RANBP17: variants seen among roughly 807,000 people sequenced by gnomAD.
The protein encoded by RANBP17 is RAN binding protein 17.
Under a neutral mutation model 141.2 loss-of-function variants are expected in RANBP17, and 158 were observed. The observed-to-expected ratio is 1.12, with a 90% CI of 0.98 to 1.28. The LOEUF (loss-of-function observed/expected upper bound fraction) is 1.28. RANBP17 is among the 50% of genes most tolerant of loss of function. RANBP17 has a pLI of 0.00. For synonymous variants in RANBP17, 430 were observed against 450.0 expected, an observed-to-expected ratio of 0.96 and a Z score of 0.56; for missense variants, 1,438 against 1,290.7, an observed-to-expected ratio of 1.11 and a Z score of -1.75.
chr5:170,900,591 T>C (rs1269452285), intron 5 of RANBP17, among the ~76,000 whole-genome samples: 1 of 152,212 alleles, frequency 6.6e-6, no homozygotes, highest in African/African-American at 2.4e-5. Flanking sequence ...TCTAGTTCTT[T>C]TAATTGTGAT....
chr5:170,877,463 T>C (rs78355897), intron 1 of RANBP17, among the ~76,000 whole-genome samples: 4,605 of 152,172 alleles, frequency 0.03, 232 homozygotes, highest in African/African-American at 0.1. Context: ...GATTTTGCCA[T>C]GTTGCCTGTG....
chr5:170,868,591 G>A (rs1767461072), intron 1 of RANBP17, among the ~76,000 whole-genome samples: 4 of 152,122 alleles, frequency 2.6e-5, no homozygotes, highest in Non-Finnish European at 5.9e-5. Context: ...GTATTTGATA[G>A]TTACTCTGTG....
chr5:170,964,605 T>C (rs955107934), intron 13 of RANBP17, among the ~76,000 whole-genome samples: 4 of 152,140 alleles, frequency 2.6e-5, no homozygotes, highest in Non-Finnish European at 5.9e-5. Context: ...TGTCCATGTG[T>C]TCCCATTGTT....
Position 170,921,303 on chromosome 5 carries a change from A to C in RANBP17, c.1274+1690A>C, listed in dbSNP as rs184326756. Among the ~76,000 whole-genome samples, 603 of 152,284 alleles carry C rather than the reference A, an allele frequency of 4.0e-3. 7 individuals are homozygous for C. Among genetic ancestry groups the C allele is most frequent in the African/African-American group, 0.014 (578 of 41,552 alleles). On this transcript the variant is annotated intron_variant, in intron 11 of 27. Transcript: ENST00000523189. ...GGAAGGAATCCAGTTTCAGCTTTCTACATATGGCTAGTCAGTTTTCCCAGC... is the reference window on the plus strand; with the variant it reads ...GGAAGGAATCCAGTTTCAGCTTTCTCCATATGGCTAGTCAGTTTTCCCAGC...
chr5:171,215,382 T>C (rs538911867), intron 21 of RANBP17, among the ~76,000 whole-genome samples: 1 of 152,332 alleles, frequency 6.6e-6, no homozygotes, highest in Admixed American at 6.5e-5. Flanking sequence ...CATGTATGTT[T>C]ACAGTAGAAT....
intron 14 of RANBP17, among the ~76,000 whole-genome samples, chr5:171,138,422 G>A (rs972939721): frequency 2.4e-4 from 37 of 152,016 alleles, no homozygotes. Context: ...GGCTGAGTGT[G>A]GGCTGGCAAG....
At chr5:170,932,956 C>G (rs1028585683) in intron 12 of RANBP17, among the ~76,000 whole-genome samples, 2 of 152,014 alleles carry the variant, frequency 1.3e-5, no homozygotes, top group African/African-American at 4.8e-5. Flanking sequence ...CCCTCTTTTT[C>G]TGTTGATTGG....
At chr5:171,172,001 A>G (rs954947333) in intron 16 of RANBP17, among the ~76,000 whole-genome samples, 1 of 152,000 alleles carries the variant, frequency 6.6e-6, no homozygotes. Flanking sequence ...TTTCTTTTCT[A>G]CATTAGCTAT....
intron 16 of RANBP17, among the ~76,000 whole-genome samples, chr5:171,179,275 A>G (rs889638346): frequency 2.0e-5 from 3 of 152,126 alleles, no homozygotes; most frequent in Admixed American, 2.0e-4. Flanking sequence ...TGGCCTATAT[A>G]GTCTCCCTTA....
At chr5:170,866,638 G>A (rs1283074386) in intron 1 of RANBP17, among the ~76,000 whole-genome samples, 1 of 151,180 alleles carries the variant, frequency 6.6e-6, no homozygotes, top group Non-Finnish European at 1.5e-5. Flanking sequence ...TCGCACCACT[G>A]CACTCTTGCC....
chr5:171,191,346 G>GATCCA (rs1761618436), intron 18 of RANBP17, among the ~76,000 whole-genome samples: 1 of 142,900 alleles, frequency 7.0e-6, no homozygotes, highest in African/African-American at 2.7e-5. Flanking sequence ...TTTTTGATCC[G>GATCCA]CCTGCCCACA....
Position 171,092,488 on chromosome 5 carries a change from C to T in RANBP17, c.1711-77642C>T, listed in dbSNP as rs6862665. 4.7e-3 allele frequency among the ~76,000 whole-genome samples: 720 copies of T among 152,314 alleles called. 5 individuals carry two copies. Among genetic ancestry groups the T allele is most frequent in the African/African-American group, 0.017 (699 of 41,574 alleles). ...AATATACTAAGACAAAGAGGATCTA[C>T]TGAAACTTCTCTTGCAACCATTAGG... On this transcript the variant is annotated intron_variant, in intron 14 of 27. Coordinates refer to ENST00000523189, the MANE Select transcript of RANBP17 (RefSeq NM_022897.5).
intron 14 of RANBP17, among the ~76,000 whole-genome samples, chr5:171,116,080 G>C (rs1280505564): frequency 2.6e-5 from 4 of 152,312 alleles, no homozygotes; most frequent in Middle Eastern, 3.4e-3. Context: ...CTAACTTCTT[G>C]TAGAGAGAAT....
At chr5:171,006,241 A>G (rs939443651) in intron 14 of RANBP17, among the ~76,000 whole-genome samples, 2 of 152,220 alleles carry the variant, frequency 1.3e-5, no homozygotes, top group African/African-American at 4.8e-5. Flanking sequence ...CCATCCCATT[A>G]CTGGGTATAT....
intron 14 of RANBP17, among the ~76,000 whole-genome samples, chr5:171,031,418 A>G (rs190850824): frequency 6.6e-6 from 1 of 152,162 alleles, no homozygotes; most frequent in African/African-American, 2.4e-5. Flanking sequence ...ACACAAGAGC[A>G]TACTGCTGAC....
chr5:171,177,520 T>G (rs1036473306), intron 16 of RANBP17, among the ~76,000 whole-genome samples: 1 of 152,156 alleles, frequency 6.6e-6, no homozygotes, highest in Admixed American at 6.5e-5. Flanking sequence ...CCAAGGAAAT[T>G]TATTTTACCT....
At chr5:170,867,389 GT>G (rs916763609) in intron 1 of RANBP17, among the ~76,000 whole-genome samples, 2 of 151,712 alleles carry the variant, frequency 1.3e-5, no homozygotes, top group African/African-American at 4.8e-5. Flanking sequence ...TTCAGGATTG[GT>G]TTGAAAAAAA....
At chr5:171,252,363 C>T in intron 24 of RANBP17, 1 of 1,538,042 alleles carries the variant, frequency 6.5e-7, no homozygotes, top group Admixed American at 1.7e-5. Context: ...CTAATGAAAC[C>T]AGATGTCTTA....
intron 14 of RANBP17, among the ~76,000 whole-genome samples, chr5:171,066,166 TTA>T (rs1348763233): frequency 6.6e-6 from 1 of 152,156 alleles, no homozygotes; most frequent in African/African-American, 2.4e-5. Flanking sequence ...CCGGCTGTGT[TTA>T]TTTTTTATTT....
Sources: allele counts gnomAD v4.1 joint callset (sites outside exome capture counted in the v4.1 genomes callset), GRCh38; gene constraint gnomAD v4.1.1; transcripts MANE v1.5; gene names NCBI Gene and HGNC (gene_info 2026-07-23, HGNC 2026-07-21).